The following AK5 variants were observed in gnomAD, a reference collection of about 807,000 sequenced individuals.
AK5 encodes adenylate kinase isoenzyme 5.
Under a neutral mutation model 69.5 loss-of-function variants are expected in AK5, and 27 were observed. The ratio of observed to expected loss-of-function variants is 0.39; its 90% CI spans 0.29 to 0.54. The LOEUF is 0.54. AK5 is among the 20% of genes least tolerant of loss of function. The pLI is 0.71. For synonymous variants in AK5, 260 were observed against 244.4 expected (o/e 1.06, Z -0.60); for missense variants, 531 against 700.4 (o/e 0.76, Z 2.73).
chr1:77,332,839 A>T (rs2100358002), intron 5 of AK5, among the ~76,000 whole-genome samples: 1 of 152,178 alleles, frequency 6.6e-6, no homozygotes, highest in African/African-American at 2.4e-5. Flanking sequence ...GTGTTGAAAT[A>T]TTCTGTACTC....
rs75154948 is a variant in AK5, at chr1:77,402,075, A to C, written c.892-8906A>C. Among the ~76,000 whole-genome samples, 398 of 152,338 alleles carry C rather than the reference A, an allele frequency of 2.6e-3. 4 individuals are homozygous for C. The highest frequency in any genetic ancestry group is 9.0e-3 in the African/African-American group (375 of 41,574). ...TAAAACATAGCATCCATCTAATCAC[A>C]GAATTTCAGAGCTGTGAGCAACTTT... On this transcript the variant is annotated intron_variant, in intron 6 of 13. Coordinates refer to ENST00000354567, the MANE Select transcript of AK5 (RefSeq NM_174858.3).
At chr1:77,356,673 T>G (rs1457500541) in intron 6 of AK5, among the ~76,000 whole-genome samples, 1 of 152,180 alleles carries the variant, frequency 6.6e-6, no homozygotes, top group African/African-American at 2.4e-5. Flanking sequence ...GAAAAAGCAC[T>G]AACAAGACAC....
chr1:77,538,279 C>G (rs1385022448), intron 13 of AK5, among the ~76,000 whole-genome samples: 1 of 150,770 alleles, frequency 6.6e-6, no homozygotes, highest in Non-Finnish European at 1.5e-5. Flanking sequence ...GTCAAGGCTG[C>G]AGTTTGCCAT....
intron 8 of AK5, among the ~76,000 whole-genome samples, chr1:77,422,082 A>T (rs897956077): frequency 6.6e-6 from 1 of 152,096 alleles, no homozygotes; most frequent in African/African-American, 2.4e-5. Context: ...TGATACCACC[A>T]TTCTCCAGCT....
At chr1:77,375,630 G>A (rs1409944014) in intron 6 of AK5, among the ~76,000 whole-genome samples, 9 of 152,176 alleles carry the variant, frequency 5.9e-5, no homozygotes, top group Non-Finnish European at 1.2e-4. Context: ...CTAGGTCCCT[G>A]TCTAGGAGTA....
chr1:77,463,035 C>T (rs1319549792), intron 8 of AK5, among the ~76,000 whole-genome samples: 1 of 152,146 alleles, frequency 6.6e-6, no homozygotes, highest in Non-Finnish European at 1.5e-5. Context: ...AATCTAGATT[C>T]TAATGGGATT....
At chr1:77,501,447 C>G (rs1656713048) in intron 10 of AK5, among the ~76,000 whole-genome samples, 1 of 152,224 alleles carries the variant, frequency 6.6e-6, no homozygotes, top group African/African-American at 2.4e-5. Flanking sequence ...CAAACCTAGA[C>G]AGTGTAGCCT....
rs368417160 is a variant in AK5 at position 77,403,561 on chromosome 1, C to A, written c.892-7420C>A. ...CCATTTATTAAATAGGGAATCCTTTCCCCATTGCTTGTTTTTCTCAGGTTT... is the reference window on the plus strand; with the variant it reads ...CCATTTATTAAATAGGGAATCCTTTACCCATTGCTTGTTTTTCTCAGGTTT... On this transcript the variant is annotated intron_variant, in intron 6 of 13. Transcript: ENST00000354567. Among the ~76,000 whole-genome samples, 8 of 152,348 alleles carry A rather than the reference C, an allele frequency of 5.3e-5. No individual in the cohort carries two copies. In the East Asian group the frequency reaches 1.3e-3, roughly 26 times the overall value.
At chr1:77,392,602 A>T (rs1355005968) in intron 6 of AK5, among the ~76,000 whole-genome samples, 1 of 152,028 alleles carries the variant, frequency 6.6e-6, no homozygotes, top group Non-Finnish European at 1.5e-5. Flanking sequence ...GTTGTGTTCA[A>T]CTCTCTCGGC....
intron 13 of AK5, among the ~76,000 whole-genome samples, chr1:77,541,873 T>C (rs1659292320): frequency 6.6e-6 from 1 of 152,244 alleles, no homozygotes; most frequent in Admixed American, 6.5e-5. Flanking sequence ...GGCCTTGCTT[T>C]GCTCAGGGTC....
At position 77,466,198 on chromosome 1, in the gene AK5, C is replaced by T. The variant is rs111592871; in HGVS notation, c.1060-17119C>T. Among the ~76,000 whole-genome samples the T allele has an allele frequency of 9.2e-5, 14 of 152,208 alleles. 1 individual carries two copies. The East Asian group carries it at 1.2e-3, about 13-fold the overall frequency. On this transcript the variant is annotated intron_variant, in intron 8 of 13. Transcript: ENST00000354567. Reference sequence around the variant, plus strand: ...TGCTCTTCCTGCAGCCCTTTGCATCCGCTGGTGCTCTTCCTGGGACATGTT... The same window carrying T: ...TGCTCTTCCTGCAGCCCTTTGCATCTGCTGGTGCTCTTCCTGGGACATGTT...
intron 12 of AK5, among the ~76,000 whole-genome samples, chr1:77,535,600 A>G (rs1658914908): frequency 2.6e-5 from 4 of 152,038 alleles, no homozygotes. Context: ...GGTGGCATAT[A>G]CTCGTCTGCA....
At chr1:77,381,958 C>T (rs1463811634) in intron 6 of AK5, among the ~76,000 whole-genome samples, 1 of 152,278 alleles carries the variant, frequency 6.6e-6, no homozygotes, top group Middle Eastern at 3.4e-3. Flanking sequence ...AGACCTCCTC[C>T]GCCATGCACA....
chr1:77,443,677 C>CCGTG (rs759759530), intron 8 of AK5, among the ~76,000 whole-genome samples: 24 of 134,118 alleles, frequency 1.8e-4, no homozygotes, highest in Middle Eastern at 3.7e-3. Context: ...TGTGGGGAGT[C>CCGTG]TGTGTGTGTG....
intron 6 of AK5, among the ~76,000 whole-genome samples, chr1:77,363,953 C>G (rs901452152): frequency 2.0e-5 from 3 of 152,210 alleles, no homozygotes; most frequent in South Asian, 2.1e-4. Context: ...TTGTAAGCTC[C>G]ATGAAGGCCG....
chr1:77,480,856 T>G (rs990838348), intron 8 of AK5, among the ~76,000 whole-genome samples: 20 of 152,210 alleles, frequency 1.3e-4, no homozygotes, highest in Non-Finnish European at 2.9e-4. Flanking sequence ...GTAATTGATA[T>G]TTTTCCCCTA....
In AK5 at chr1:77,450,715, T is replaced by C. The variant is rs549429876; in HGVS notation, c.1060-32602T>C. Reference sequence around the variant, plus strand: ...AACTAGCTTGATCTTAACATCATATTTGCAATCATGTAAGTTAATTTCTTC... The same window carrying C: ...AACTAGCTTGATCTTAACATCATATCTGCAATCATGTAAGTTAATTTCTTC... On this transcript the variant is annotated intron_variant, in intron 8 of 13. Coordinates refer to ENST00000354567, the MANE Select transcript of AK5 (RefSeq NM_174858.3). Among the ~76,000 whole-genome samples, 4 of 152,350 alleles carry C rather than the reference T, an allele frequency of 2.6e-5. No homozygotes were observed. The East Asian group carries it at 7.7e-4, about 29-fold the overall frequency.
At chr1:77,451,765 G>A (rs1018166828) in intron 8 of AK5, among the ~76,000 whole-genome samples, 9 of 151,968 alleles carry the variant, frequency 5.9e-5, no homozygotes, top group Non-Finnish European at 1.3e-4. Flanking sequence ...ATATTCTGTC[G>A]GCGATTGCCT....
chr1:77,440,016 T>G (rs1348722393), intron 8 of AK5, among the ~76,000 whole-genome samples: 2 of 152,180 alleles, frequency 1.3e-5, no homozygotes, highest in African/African-American at 4.8e-5. Context: ...GTGGGTTTTT[T>G]GTAGTGATAA....
Sources: gnomAD v4.1 joint callset for allele counts (sites outside exome capture counted in the v4.1 genomes callset) on GRCh38, gnomAD v4.1.1 for gene constraint, MANE v1.5 for transcripts, NCBI Gene and HGNC (gene_info 2026-07-23, HGNC 2026-07-21) for gene names.